The following ITGB8 variants were observed in gnomAD, a reference collection of about 807,000 sequenced individuals.
ITGB8 encodes integrin beta-8.
A neutral mutation model predicts 89.5 loss-of-function variants in ITGB8; 30 were observed. The ratio of observed to expected loss-of-function variants is 0.34; its 90% confidence interval spans 0.25 to 0.45. The LOEUF (loss-of-function observed/expected upper bound fraction) is 0.45, where lower values mean the gene tolerates loss of function less well. Ranked by LOEUF, ITGB8 falls within the 20% of genes least tolerant of loss-of-function variation. The pLI, the probability that ITGB8 is intolerant of heterozygous loss-of-function variation, is 1.00. For missense variants in ITGB8, 836 were observed against 933.3 expected (o/e 0.90, Z 1.36); for synonymous variants, 335 against 320.4 (o/e 1.05, Z -0.49).
In ITGB8 at chr7:20,409,760, A is replaced by T. The variant is rs186406594; in HGVS notation, c.2169A>T (p.Arg723Ser). The T allele has an allele frequency of 1.2e-6, 2 of 1,613,018 alleles. No individual in the cohort carries two copies. The highest frequency in any genetic ancestry group is 2.2e-5 in the South Asian group (2 of 90,780). The stretch of plus-strand genomic sequence containing the variant: ...AAATTAAGTCCTCATCAGATTACAG[A>T]GTGTCAGCCTCAAAAAAGGTCAGTG... ...SNKIKSSSDY[R>S]VSASKKDKLI... The change falls in exon 13 of 14, where the codon AGA (arginine) becomes AGT (serine). Residue 723 changes from arginine to serine, a missense_variant. Physicochemically the swap from Arg to Ser is moderately radical, Grantham distance 110. Transcript: ENST00000222573.
chr7:20,345,724 G>A (rs188825874), intron 1 of ITGB8, among the ~76,000 whole-genome samples: 1 of 152,270 alleles, frequency 6.6e-6, no homozygotes, highest in East Asian at 1.9e-4. Context: ...GACAAGAGGT[G>A]GTGGTCAGAC....
chr7:20,350,925 T>G (rs901563859), intron 1 of ITGB8, among the ~76,000 whole-genome samples: 7 of 152,226 alleles, frequency 4.6e-5, no homozygotes, highest in Admixed American at 2.0e-4. Flanking sequence ...CCAGCCAGTC[T>G]GCTTTATGCA....
intron 1 of ITGB8, among the ~76,000 whole-genome samples, chr7:20,347,036 G>T (rs1335417408): frequency 6.6e-6 from 1 of 152,150 alleles, no homozygotes; most frequent in East Asian, 1.9e-4. Flanking sequence ...TATGAAAAAG[G>T]CCTGTGGGAA....
chr7:20,398,005 C>A, intron 8 of ITGB8, among the ~76,000 whole-genome samples: 1 of 150,854 alleles, frequency 6.6e-6, no homozygotes. Context: ...ATGTGGTAGA[C>A]TCTTAGTTGT....
At chr7:20,397,280 G>A (rs1374087750) in intron 8 of ITGB8, among the ~76,000 whole-genome samples, 3 of 151,174 alleles carry the variant, frequency 2.0e-5, no homozygotes, top group Admixed American at 6.6e-5. Context: ...AGGCTGGAGT[G>A]CAGTGGCGAG....
At chr7:20,390,900 G>T (rs960106294) in intron 6 of ITGB8, among the ~76,000 whole-genome samples, 2 of 151,750 alleles carry the variant, frequency 1.3e-5, no homozygotes, top group Non-Finnish European at 2.9e-5. Context: ...ATATATATAT[G>T]TTATATAACT....
chr7:20,350,115 AAAAC>A (rs1355170900), intron 1 of ITGB8, among the ~76,000 whole-genome samples: 1 of 152,206 alleles, frequency 6.6e-6, no homozygotes, highest in African/African-American at 2.4e-5. Context: ...TTAAAAAACA[AAAAC>A]AAAAACAATT....
At chr7:20,340,448 G>C (rs1271070335) in intron 1 of ITGB8, among the ~76,000 whole-genome samples, 1 of 152,218 alleles carries the variant, frequency 6.6e-6, no homozygotes, top group Non-Finnish European at 1.5e-5. Flanking sequence ...CTGAAGAACT[G>C]TACCAAATAT....
intron 1 of ITGB8, among the ~76,000 whole-genome samples, chr7:20,335,339 T>C (rs1051797578): frequency 1.1e-4 from 16 of 152,356 alleles, no homozygotes; most frequent in African/African-American, 3.1e-4. Context: ...AGTTCTATTA[T>C]AGTTCCATTA....
intron 7 of ITGB8, among the ~76,000 whole-genome samples, chr7:20,394,113 A>T (rs113910836): frequency 0.013 from 1,994 of 152,346 alleles, 51 homozygotes; most frequent in African/African-American, 0.046. Flanking sequence ...TGAGATGCCA[A>T]GTTGTTAGTG....
At chr7:20,368,814 G>C (rs1785812791) in intron 3 of ITGB8, among the ~76,000 whole-genome samples, 1 of 151,724 alleles carries the variant, frequency 6.6e-6, no homozygotes. Context: ...TAATTTTACT[G>C]TTATCCTACT....
intron 9 of ITGB8, among the ~76,000 whole-genome samples, chr7:20,399,841 C>T (rs899739260): frequency 4.6e-5 from 7 of 151,992 alleles, no homozygotes; most frequent in African/African-American, 1.2e-4. Flanking sequence ...TATGTAATGT[C>T]ATGCTATAGA....
intron 4 of ITGB8, 55 bp downstream of exon 4, chr7:20,379,352 A>C: frequency 6.3e-6 from 8 of 1,261,856 alleles, no homozygotes; most frequent in African/African-American, 1.5e-5. Context: ...ATAAAATCTC[A>C]CTTTGTTTTT....
intron 12 of ITGB8, among the ~76,000 whole-genome samples, chr7:20,408,377 CA>C (rs3032573): frequency 0.055 from 5,380 of 97,280 alleles, 177 homozygotes; most frequent in African/African-American, 0.12. Flanking sequence ...TACCTTATCA[CA>C]AAAAAAAAAA....
intron 1 of ITGB8, among the ~76,000 whole-genome samples, chr7:20,360,835 G>T (rs1304343631): frequency 6.8e-6 from 1 of 147,694 alleles, no homozygotes; most frequent in Non-Finnish European, 1.5e-5. Context: ...TTTTTGATAT[G>T]ATGACTTCTT....
intron 10 of ITGB8, among the ~76,000 whole-genome samples, chr7:20,403,924 A>C (rs1321532729): frequency 6.6e-6 from 1 of 152,168 alleles, no homozygotes; most frequent in Non-Finnish European, 1.5e-5. Flanking sequence ...TTACTGTCTA[A>C]AATCCATTTA....
Position 20,410,196 on chromosome 7 carries a change from T to A in ITGB8, c.*199T>A, listed in dbSNP as rs1388766483. 4 of 570,538 alleles carry A rather than the reference T, an allele frequency of 7.0e-6. No individual in the cohort carries two copies. The highest frequency in any genetic ancestry group is 1.2e-5 in the Non-Finnish European group (4 of 321,980). The allele number at this position is 570,538 out of a possible 1,614,324, so 35.3% of individuals were successfully genotyped here. Reference sequence around the variant, plus strand: ...GCTGACTTTTTCAGAGAAAAATGTGTCTTACTACTGTTTGAGACTAGTGTC... The same window carrying A: ...GCTGACTTTTTCAGAGAAAAATGTGACTTACTACTGTTTGAGACTAGTGTC... On this transcript the variant is annotated 3_prime_UTR_variant, in exon 14 of 14. Coordinates refer to ENST00000222573, the MANE Select transcript of ITGB8 (RefSeq NM_002214.3).
At position 20,363,740 on chromosome 7, in the gene ITGB8, TTC is replaced by T; in HGVS notation, c.213+20_213+21del. 1 of 1,517,320 alleles carries T rather than the reference TTC, an allele frequency of 6.6e-7. No homozygotes were observed. The highest frequency in any genetic ancestry group is 8.9e-7 in the Non-Finnish European group (1 of 1,121,414). 94.0% of individuals were successfully genotyped at this position (1,517,320 alleles called of 1,614,324 possible). On this transcript the variant is annotated intron_variant, in intron 2 of 13. Transcript: ENST00000222573. ...TTCAAGAGGTGTGCCATTTTTTTTT[TTC>T]TTTTTCTCATGGTTGACTTGAGCTA...
intron 1 of ITGB8, chr7:20,346,758 A>T (rs1189148953): frequency 1.0e-6 from 1 of 985,080 alleles, no homozygotes; most frequent in African/African-American, 1.7e-5. Context: ...ATAACACCTG[A>T]CGATTATACC....
Sources: gnomAD v4.1 joint callset for allele counts (sites outside exome capture counted in the v4.1 genomes callset) on GRCh38, gnomAD v4.1.1 for gene constraint, MANE v1.5 for transcripts, NCBI Gene and HGNC (gene_info 2026-07-23, HGNC 2026-07-21) for gene names.